The following OPCML variants were observed in gnomAD, a reference collection of about 807,000 sequenced individuals.
OPCML encodes opioid-binding protein/cell adhesion molecule.
Under a neutral mutation model 37.8 loss-of-function variants are expected in OPCML, and 13 were observed. The observed-to-expected ratio is 0.34, with a 90% CI of 0.22 to 0.55. OPCML has a LOEUF of 0.55. Ranked by LOEUF, OPCML falls within the 20% of genes least tolerant of loss-of-function variation. The pLI is 0.91. For missense variants in OPCML, 341 were observed against 435.6 expected, an observed-to-expected ratio of 0.78 and a Z score of 1.93; for synonymous variants, 176 against 168.8, an observed-to-expected ratio of 1.04 and a Z score of -0.33.
At chr11:132,618,954 TACACACACACACACACAC>T (rs6144570) in intron 3 of OPCML, among the ~76,000 whole-genome samples, 26,455 of 145,514 alleles carry the variant, frequency 0.18, 2,672 homozygotes, top group East Asian at 0.43. Flanking sequence ...AGCACACGCA[TACACACACACACACACAC>T]ACACACACAC....
chr11:133,067,409 C>T (rs997809416), intron 1 of OPCML: 1 of 152,166 alleles, frequency 6.6e-6, no homozygotes, highest in African/African-American at 2.4e-5. Context: ...AGAATATTCG[C>T]TCTGTGGGAC....
intron 1 of OPCML, among the ~76,000 whole-genome samples, chr11:133,321,584 A>G (rs557493252): frequency 1.3e-5 from 2 of 152,266 alleles, no homozygotes; most frequent in Admixed American, 1.3e-4. Flanking sequence ...AGGATGGGCC[A>G]CTCTGGACAG....
At chr11:133,429,603 G>A (rs1427760852) in intron 1 of OPCML, among the ~76,000 whole-genome samples, 1 of 152,198 alleles carries the variant, frequency 6.6e-6, no homozygotes, top group Non-Finnish European at 1.5e-5. Context: ...AAGTAGCAGT[G>A]CAGATGGTAT....
chr11:132,600,622 C>G (rs1937793498), intron 3 of OPCML, among the ~76,000 whole-genome samples: 1 of 152,124 alleles, frequency 6.6e-6, no homozygotes, highest in Non-Finnish European at 1.5e-5. Context: ...TGACGTGTGA[C>G]AACAAGAAAA....
chr11:132,507,166 C>A (rs7119976), intron 4 of OPCML, among the ~76,000 whole-genome samples: 1 of 150,736 alleles, frequency 6.6e-6, no homozygotes, highest in Admixed American at 6.6e-5. Context: ...GCTCTAATTA[C>A]TTTTGAATTT....
intron 2 of OPCML, among the ~76,000 whole-genome samples, chr11:132,910,768 TAACA>T (rs1944402582): frequency 6.6e-6 from 1 of 152,224 alleles, no homozygotes; most frequent in Non-Finnish European, 1.5e-5. Context: ...TGATGGAGCT[TAACA>T]GACAGCCCAA....
chr11:133,264,758 C>T (rs1941210), intron 1 of OPCML, among the ~76,000 whole-genome samples: 83,922 of 151,322 alleles, frequency 0.55, 23,905 homozygotes, highest in East Asian at 0.9. Context: ...ATACACACAG[C>T]GGTTTTTAAT....
At chr11:132,425,737 C>T (rs778948131) in intron 7 of OPCML, among the ~76,000 whole-genome samples, 3 of 152,212 alleles carry the variant, frequency 2.0e-5, no homozygotes, top group Non-Finnish European at 4.4e-5. Flanking sequence ...TTGGCTCTGG[C>T]TGGTAATTGG....
At chr11:133,161,130 G>A (rs1008620057) in intron 1 of OPCML, among the ~76,000 whole-genome samples, 3 of 152,218 alleles carry the variant, frequency 2.0e-5, no homozygotes, top group Non-Finnish European at 4.4e-5. Context: ...ACAAGCCAGG[G>A]CACACCTTTG....
intron 1 of OPCML, among the ~76,000 whole-genome samples, chr11:133,513,797 C>T (rs1317881637): frequency 2.6e-5 from 4 of 152,126 alleles, no homozygotes; most frequent in Admixed American, 6.5e-5. Context: ...AAGGAAGTAG[C>T]TTTTATCTAA....
rs1216222544 is a variant in OPCML at position 132,559,420 on chromosome 11, T to TCC, written c.380-30235_380-30234insGG. Reference sequence around the variant, plus strand: ...CACAGGATACATTTATCAGAAGCTTTTAAGGAAGTGTTTAAGAGCAGCTAA... The same window carrying TCC: ...CACAGGATACATTTATCAGAAGCTTTCCTAAGGAAGTGTTTAAGAGCAGCTAA... On this transcript the variant is annotated intron_variant, in intron 3 of 7. Coordinates refer to ENST00000524381, the MANE Select transcript of OPCML (RefSeq NM_001012393.5). Among the ~76,000 whole-genome samples the TCC allele has an allele frequency of 2.0e-5, 3 of 152,116 alleles. No homozygotes were observed. The East Asian group carries it at 5.8e-4, about 29-fold the overall frequency.
rs555907396 is a variant in OPCML at position 132,552,227 on chromosome 11, A to G, written c.380-23041T>C. Among the ~76,000 whole-genome samples the G allele has an allele frequency of 4.6e-5, 7 of 152,340 alleles. No homozygotes were observed. The East Asian group carries it at 1.2e-3, about 25-fold the overall frequency. ...GGAACCACCTTTTGAAAACCACTTT[A>G]TTAAAATAAATCAATAAATAAAGTA... On this transcript the variant is annotated intron_variant, in intron 3 of 7. Coordinates refer to ENST00000524381, the MANE Select transcript of OPCML (RefSeq NM_001012393.5).
intron 1 of OPCML, among the ~76,000 whole-genome samples, chr11:133,189,125 C>T (rs1289559746): frequency 1.3e-5 from 2 of 152,160 alleles, no homozygotes; most frequent in Non-Finnish European, 2.9e-5. Context: ...AGACCTCATC[C>T]TTACTGCCTT....
At chr11:133,159,787 G>A (rs1174723749) in intron 1 of OPCML, among the ~76,000 whole-genome samples, 4 of 152,160 alleles carry the variant, frequency 2.6e-5, no homozygotes, top group Admixed American at 6.5e-5. Context: ...GCACAAGAAC[G>A]TGTGCCCACC....
chr11:132,930,038 A>G (rs1480685423), intron 2 of OPCML, among the ~76,000 whole-genome samples: 13 of 152,138 alleles, frequency 8.5e-5, no homozygotes, highest in Non-Finnish European at 7.4e-5. Flanking sequence ...CTTCTACTCA[A>G]TATAGCACTG....
intron 3 of OPCML, among the ~76,000 whole-genome samples, chr11:132,621,775 T>TAC (rs1939423924): frequency 6.6e-6 from 1 of 152,122 alleles, no homozygotes; most frequent in Admixed American, 6.5e-5. Flanking sequence ...ATGCCTCAGT[T>TAC]ACACACACAC....
intron 2 of OPCML, among the ~76,000 whole-genome samples, chr11:132,825,219 T>G (rs550747618): frequency 3.9e-5 from 6 of 152,352 alleles, no homozygotes; most frequent in African/African-American, 1.4e-4. Flanking sequence ...TAGCCTAATT[T>G]AATGCACATT....
chr11:133,127,601 C>T (rs1183396675), intron 1 of OPCML, among the ~76,000 whole-genome samples: 2 of 151,354 alleles, frequency 1.3e-5, no homozygotes, highest in Admixed American at 1.3e-4. Flanking sequence ...CCACCGCATT[C>T]CAGCCTGGGT....
rs942953333 is a variant in OPCML, at chr11:133,289,769, G to A, written c.61+242495C>T. Among the ~76,000 whole-genome samples, 8 of 152,264 alleles carry A rather than the reference G, an allele frequency of 5.3e-5. No individual in the cohort carries two copies. In the East Asian group the frequency reaches 1.5e-3, roughly 29 times the overall value. Reference sequence around the variant, plus strand: ...GGTTACACAGTTAATGTTTAAGCCTGGACATGAGCTACATTCTTGTTTCTT... The same window carrying A: ...GGTTACACAGTTAATGTTTAAGCCTAGACATGAGCTACATTCTTGTTTCTT... On this transcript the variant is annotated intron_variant, in intron 1 of 7. Coordinates refer to ENST00000524381, the MANE Select transcript of OPCML (RefSeq NM_001012393.5).
Sources: gnomAD v4.1 joint callset for allele counts (sites outside exome capture counted in the v4.1 genomes callset) on GRCh38, gnomAD v4.1.1 for gene constraint, MANE v1.5 for transcripts, NCBI Gene and HGNC (gene_info 2026-07-23, HGNC 2026-07-21) for gene names.